NCOR2: variants seen among roughly 807,000 people sequenced by gnomAD.
The protein encoded by NCOR2 is CTG repeat protein 26.
A neutral mutation model predicts 262.9 loss-of-function variants in NCOR2; 81 were observed. The ratio of observed to expected loss-of-function variants is 0.31; its 90% confidence interval spans 0.26 to 0.37. The LOEUF is 0.37. NCOR2 is among the 10% of genes least tolerant of loss of function. The pLI, the probability that NCOR2 is intolerant of heterozygous loss-of-function variation, is 1.00. For missense variants in NCOR2, 3,385 were observed against 3,621.4 expected, an observed-to-expected ratio of 0.93 and a Z score of 1.68; for synonymous variants, 1,659 against 1,559.3, an observed-to-expected ratio of 1.06 and a Z score of -1.51.
At position 124,466,294 on chromosome 12, in the gene NCOR2, G is replaced by C. The variant is rs757793081; in HGVS notation, c.592-8C>G. 1 of 1,603,668 alleles carries C rather than the reference G, an allele frequency of 6.2e-7. No individual in the cohort carries two copies. ...CTCCTCCTCCAGCTGTTGCTGTGGG[G>C]AGAGGCAGAACGTGAGGGATGAGCA... On this transcript the variant is annotated splice_polypyrimidine_tract_variant and splice_region_variant and intron_variant, in intron 4 of 46. Coordinates refer to ENST00000405201, the Ensembl canonical transcript of NCOR2.
intron 38 of NCOR2, 81 bp downstream of exon 40, chr12:124,336,672 C>T: frequency 6.5e-7 from 1 of 1,547,416 alleles, no homozygotes; most frequent in South Asian, 1.2e-5. Context: ...AGCGCACCTC[C>T]TTCTCGCGCC....
chr12:124,528,195 C>T (rs1178623840), intron 1 of NCOR2, among the ~76,000 whole-genome samples: 1 of 152,204 alleles, frequency 6.6e-6, no homozygotes, highest in East Asian at 1.9e-4. Flanking sequence ...CCTCCTCCCT[C>T]CAGCTGGGGT....
In NCOR2 at chr12:124,378,959, G is replaced by A. The variant is rs960849865; in HGVS notation, c.2020-575C>T. 3.8e-5 allele frequency among the ~76,000 whole-genome samples: 1 copy of A among 26,512 alleles called. No individual in the cohort carries two copies. The highest frequency in any genetic ancestry group is 1.5e-4 in the Non-Finnish European group (1 of 6,804). The allele number at this position is 26,512 out of a possible 152,430, so 17.4% of individuals were successfully genotyped here. On this transcript the variant is annotated intron_variant, in intron 17 of 46. Transcript: ENST00000405201. This position sits in a 1 kb window ranked among gnomAD's most constrained non-coding sequence, Gnocchi z 4.2. ...CCCTGCCGCTGGGGAGACTGGCAAC[G>A]TGCTCCTCACACAGAAGCAGCACTC...
At position 124,357,917 on chromosome 12, in the gene NCOR2, G is replaced by A. The variant is rs547567305; in HGVS notation, c.3101-1135C>T. The stretch of plus-strand genomic sequence containing the variant: ...TAACCTGTGATATGTGTGTGTGCGT[G>A]CGCACGTGCGTGCATGTGTGTGTGA... On this transcript the variant is annotated intron_variant, in intron 22 of 46. Transcript: ENST00000405201. Among the ~76,000 whole-genome samples, 3 of 149,628 alleles carry A rather than the reference G, an allele frequency of 2.0e-5. No individual in the cohort carries two copies. The East Asian group carries it at 6.1e-4, about 30-fold the overall frequency.
chr12:124,491,047 G>A (rs1329334695), intron 1 of NCOR2, among the ~76,000 whole-genome samples: 6 of 152,340 alleles, frequency 3.9e-5, no homozygotes, highest in East Asian at 1.9e-4. Flanking sequence ...AGGCAGCAGC[G>A]TCCAGTGTCA....
At chr12:124,539,730 A>T (rs2051231793), upstream of NCOR2, 1 of 151,890 alleles carries the variant, frequency 6.6e-6, no homozygotes. The surrounding 1 kb of genome is among the most constrained non-coding windows in gnomAD (Gnocchi z 5.1). Context: ...GCTCCCAAAC[A>T]AGCCCACCTC....
intron 1 of NCOR2, among the ~76,000 whole-genome samples, chr12:124,506,815 T>C (rs921392026): frequency 1.3e-5 from 2 of 152,142 alleles, no homozygotes; most frequent in Non-Finnish European, 2.9e-5. Context: ...GCACCAGCTG[T>C]GTAACCTGGG....
At chr12:124,395,802 C>T (rs749366284) in intron 16 of NCOR2, among the ~76,000 whole-genome samples, 9 of 152,056 alleles carry the variant, frequency 5.9e-5, no homozygotes, top group South Asian at 2.1e-4. Context: ...GATGTCCACG[C>T]GGAGTCCTCC....
chr12:124,422,667 C>T (rs1200300939), intron 11 of NCOR2, 112 bp from the exon 14 acceptor site: 7 of 1,309,458 alleles, frequency 5.3e-6, no homozygotes, highest in African/African-American at 1.5e-5. Context: ...TGGCGGGCAC[C>T]GCCCCACTTG....
rs900081492 is a variant in NCOR2 at position 124,332,532 on chromosome 12, G to C, written c.6756-65C>G. 4 of 1,605,248 alleles carry C rather than the reference G, an allele frequency of 2.5e-6. No homozygotes were observed. In the African/African-American group the frequency reaches 5.3e-5, roughly 21 times the overall value. On this transcript the variant is annotated intron_variant, in intron 42 of 46. Coordinates refer to ENST00000405201, the Ensembl canonical transcript of NCOR2. ...CGAGCTTGCATGCCTTTGATGATGG[G>C]GAACTCACCACCTGAGATGCCTTAG...
intron 5 of NCOR2, 98 bp downstream of exon 7, chr12:124,466,075 C>G: frequency 8.3e-7 from 1 of 1,202,798 alleles, no homozygotes; most frequent in Non-Finnish European, 1.2e-6. Context: ...GTCCCCTCCC[C>G]ACATAGATGG....
At chr12:124,422,531 A>G in exon 12 of NCOR2, 1 of 1,614,084 alleles carries the variant, frequency 6.2e-7, no homozygotes, top group Non-Finnish European at 8.5e-7. Flanking sequence ...CGATCAGGCC[A>G]AAGTTCTTGG....
chr12:124,350,827 T>C (rs2037386718), intron 27 of NCOR2, 90 bp from the exon 30 acceptor site: 1 of 1,416,612 alleles, frequency 7.1e-7, no homozygotes, highest in Non-Finnish European at 9.5e-7. Context: ...TAAAAGCCCA[T>C]GTGCCCACCG....
chr12:124,515,670 AGT>A (rs747656044), intron 1 of NCOR2, among the ~76,000 whole-genome samples: 12 of 151,166 alleles, frequency 7.9e-5, no homozygotes, highest in East Asian at 5.8e-4. Context: ...TGTGCATGTG[AGT>A]GTGAGTGTGC....
chr12:124,437,930 C>G (rs761722450), exon 8 of NCOR2: 1 of 1,611,472 alleles, frequency 6.2e-7, no homozygotes. Context: ...GTGGACTTAC[C>G]CATTGTTTCC....
At chr12:124,388,726 A>G in intron 16 of NCOR2, 2 of 1,304,300 alleles carry the variant, frequency 1.5e-6, no homozygotes, top group Non-Finnish European at 2.0e-6. Flanking sequence ...GTTTTCCGGA[A>G]ACATAGGGCT....
chr12:124,337,848 G>A (rs898195392), intron 37 of NCOR2, among the ~76,000 whole-genome samples: 1 of 152,226 alleles, frequency 6.6e-6, no homozygotes, highest in African/African-American at 2.4e-5. Flanking sequence ...GGCCTTCCCG[G>A]AGCCCTGCGT....
chr12:124,473,368 A>G (rs2046927712), intron 3 of NCOR2, among the ~76,000 whole-genome samples: 1 of 152,214 alleles, frequency 6.6e-6, no homozygotes. Flanking sequence ...GCGAATATAA[A>G]GCAGACAGAA....
intron 30 of NCOR2, 60 bp downstream of exon 32, chr12:124,347,765 G>C (rs986113296): frequency 6.6e-7 from 1 of 1,515,798 alleles, no homozygotes; most frequent in Admixed American, 2.0e-5. Context: ...TCTCCCTCCC[G>C]CGCCCTGCGT....
Sources: gnomAD v4.1 joint callset for allele counts (sites outside exome capture counted in the v4.1 genomes callset) on GRCh38, gnomAD v4.1.1 for gene constraint, Gnocchi (gnomAD v3.1) non-coding constraint, MANE v1.5 for transcripts, NCBI Gene and HGNC (gene_info 2026-07-23, HGNC 2026-07-21) for gene names.